The following CUEDC1 variants were observed in gnomAD, a reference collection of about 807,000 sequenced individuals.
CUEDC1 encodes CUE domain-containing protein 1.
Under a neutral mutation model 43.7 loss-of-function variants are expected in CUEDC1, and 30 were observed. That is an observed-to-expected ratio of 0.69 (90% confidence interval 0.51 to 0.93). The LOEUF (loss-of-function observed/expected upper bound fraction) is 0.93. Ranked by LOEUF, CUEDC1 falls within the 40% of genes least tolerant of loss-of-function variation. The pLI is 0.00. For synonymous variants in CUEDC1, 223 were observed against 223.6 expected, an observed-to-expected ratio of 1.00 and a Z score of 0.02; for missense variants, 486 against 549.0, an observed-to-expected ratio of 0.89 and a Z score of 1.15.
intron 1 of CUEDC1, among the ~76,000 whole-genome samples, chr17:57,888,168 G>T (rs1029339817): frequency 1.3e-5 from 2 of 152,124 alleles, no homozygotes; most frequent in Non-Finnish European, 2.9e-5. Context: ...CTCCCAAAGT[G>T]CTGGGATTAC....
intron 6 of CUEDC1, among the ~76,000 whole-genome samples, chr17:57,869,610 C>T (rs117542958): frequency 0.012 from 1,845 of 152,260 alleles, 21 homozygotes; most frequent in Non-Finnish European, 0.019. Context: ...TCCTGCACCC[C>T]GACATTCATG....
chr17:57,947,889 A>G (rs2074973153), intron 1 of CUEDC1, among the ~76,000 whole-genome samples: 1 of 152,234 alleles, frequency 6.6e-6, no homozygotes, highest in Non-Finnish European at 1.5e-5. Flanking sequence ...ATGACTGAAC[A>G]TAATGTCAGG....
intron 1 of CUEDC1, among the ~76,000 whole-genome samples, chr17:57,942,522 G>A (rs1429852680): frequency 2.0e-5 from 3 of 151,790 alleles, no homozygotes; most frequent in Non-Finnish European, 2.9e-5. Flanking sequence ...CCAAGTAGCT[G>A]ACACTACAAG....
intron 1 of CUEDC1, chr17:57,915,253 C>T (rs1355026797): frequency 8.2e-6 from 1 of 121,928 alleles, no homozygotes; most frequent in Non-Finnish European, 1.7e-5. Context: ...TTTCCTAGGA[C>T]AGATCCCTGA....
chr17:57,883,744 A>G (rs2586049), intron 2 of CUEDC1, among the ~76,000 whole-genome samples: 80,028 of 151,950 alleles, frequency 0.53, 22,303 homozygotes, highest in East Asian at 0.99. Flanking sequence ...AAAACAAACA[A>G]AAAAAGAAGA....
Position 57,954,585 on chromosome 17 carries a change from G to A in CUEDC1, c.-316+640C>T, listed in dbSNP as rs1338051798. 6.6e-6 allele frequency among the ~76,000 whole-genome samples: 1 copy of A among 152,076 alleles called. No individual in the cohort carries two copies. The highest frequency in any genetic ancestry group is 1.5e-5 in the Non-Finnish European group (1 of 67,998). ...GGGCACAGGAGCCGGCGGGGCGGGC[G>A]AGCAGGGGCGGGGACAGCGCATTCC... On this transcript the variant is annotated intron_variant, in intron 1 of 10. Transcript: ENST00000577830. This position sits in a 1 kb window ranked among gnomAD's most constrained non-coding sequence, Gnocchi z 4.3.
intron 1 of CUEDC1, among the ~76,000 whole-genome samples, chr17:57,889,841 G>C (rs1411060780): frequency 2.0e-5 from 3 of 152,164 alleles, no homozygotes; most frequent in African/African-American, 7.2e-5. Flanking sequence ...AATTCTCAGA[G>C]CACTGTCCCT....
intron 4 of CUEDC1, 67 bp downstream of exon 4, chr17:57,873,524 A>T: frequency 6.8e-7 from 1 of 1,466,678 alleles, no homozygotes; most frequent in East Asian, 2.6e-5. Context: ...GCTGGCACAA[A>T]TTGTGTGGGC....
chr17:57,883,581 G>A (rs964090426), intron 2 of CUEDC1, among the ~76,000 whole-genome samples: 23 of 152,228 alleles, frequency 1.5e-4, no homozygotes, highest in African/African-American at 5.5e-4. Flanking sequence ...AAATTAGCCG[G>A]TCATGATGGC....
intron 10 of CUEDC1, among the ~76,000 whole-genome samples, chr17:57,865,480 C>G (rs1313487011): frequency 6.6e-6 from 1 of 152,212 alleles, no homozygotes; most frequent in African/African-American, 2.4e-5. Context: ...ACACCATCAA[C>G]TCAAGAAAGC....
At chr17:57,899,893 C>A (rs1370911341) in intron 1 of CUEDC1, among the ~76,000 whole-genome samples, 1 of 152,128 alleles carries the variant, frequency 6.6e-6, no homozygotes, top group East Asian at 1.9e-4. Flanking sequence ...CTCCAAGCCA[C>A]CCCCTTCATT....
At chr17:57,913,174 A>G (rs2143069100) in intron 1 of CUEDC1, among the ~76,000 whole-genome samples, 1 of 152,214 alleles carries the variant, frequency 6.6e-6, no homozygotes, top group Admixed American at 6.5e-5. Flanking sequence ...AAAAATACAA[A>G]AAAATTAGCT....
chr17:57,938,943 G>A (rs1421165880), intron 1 of CUEDC1, among the ~76,000 whole-genome samples: 1 of 146,750 alleles, frequency 6.8e-6, no homozygotes, highest in Non-Finnish European at 1.5e-5. Flanking sequence ...TTACAGGCAC[G>A]AGCCACCGTG....
intron 1 of CUEDC1, among the ~76,000 whole-genome samples, chr17:57,920,392 T>G (rs1452741083): frequency 5.3e-5 from 8 of 152,174 alleles, no homozygotes; most frequent in Admixed American, 5.2e-4. Context: ...GAAGGTAATA[T>G]TACTATGTTT....
At chr17:57,918,735 G>C (rs2074669250) in intron 1 of CUEDC1, among the ~76,000 whole-genome samples, 1 of 152,210 alleles carries the variant, frequency 6.6e-6, no homozygotes, top group Non-Finnish European at 1.5e-5. Context: ...GCCTGGGCTG[G>C]GTTTGCTGTT....
chr17:57,866,946 T>G (rs1338610914), intron 9 of CUEDC1: 5 of 351,662 alleles, frequency 1.4e-5, no homozygotes, highest in Admixed American at 4.1e-5. Flanking sequence ...GGCAGAGTCT[T>G]CTGGCCCACG....
intron 1 of CUEDC1, among the ~76,000 whole-genome samples, chr17:57,924,677 CA>C: frequency 6.6e-6 from 1 of 152,118 alleles, no homozygotes; most frequent in Middle Eastern, 3.4e-3. Flanking sequence ...CTGAAGCTGT[CA>C]AAGGGCGCTC....
intron 1 of CUEDC1, among the ~76,000 whole-genome samples, chr17:57,901,908 T>G (rs572101460): frequency 6.6e-6 from 1 of 152,320 alleles, no homozygotes; most frequent in South Asian, 2.1e-4. Flanking sequence ...GCATGGTGGC[T>G]CACACCTGTA....
chr17:57,928,242 C>T (rs551036275), intron 1 of CUEDC1, among the ~76,000 whole-genome samples: 54 of 152,166 alleles, frequency 3.5e-4, no homozygotes, highest in African/African-American at 1.3e-3. Context: ...GATCTGGGAC[C>T]GGAAAAAAGC....
Sources: allele counts gnomAD v4.1 joint callset (sites outside exome capture counted in the v4.1 genomes callset), GRCh38; gene constraint gnomAD v4.1.1; non-coding constraint Gnocchi (gnomAD v3.1); transcripts MANE v1.5; gene names NCBI Gene and HGNC (gene_info 2026-07-23, HGNC 2026-07-21).